Variants in MYRFL observed in about 807,000 individuals in gnomAD.
The protein encoded by MYRFL is myelin regulatory factor-like protein.
MYRFL carries 88 observed loss-of-function variants against 109.4 expected under a neutral mutation model. The ratio of observed to expected loss-of-function variants is 0.80; its 90% CI spans 0.68 to 0.96. The LOEUF (loss-of-function observed/expected upper bound fraction) is 0.96. MYRFL is among the 40% of genes least tolerant of loss of function. MYRFL has a pLI of 0.00. For synonymous variants in MYRFL, 324 were observed against 320.9 expected, an observed-to-expected ratio of 1.01 and a Z score of -0.10; for missense variants, 957 against 954.9, an observed-to-expected ratio of 1.00 and a Z score of -0.03.
chr12:69,954,525 C>T (rs762103716), intron 21 of MYRFL, among the ~76,000 whole-genome samples: 5 of 152,108 alleles, frequency 3.3e-5, no homozygotes, highest in Admixed American at 2.6e-4. Flanking sequence ...TATAATGTTT[C>T]GTTTTGTTGT....
chr12:69,923,527 CT>C (rs1223432750), intron 13 of MYRFL, among the ~76,000 whole-genome samples: 1 of 152,000 alleles, frequency 6.6e-6, no homozygotes, highest in African/African-American at 2.4e-5. Flanking sequence ...GTTTATATCT[CT>C]TTTCTTAAAT....
At chr12:69,943,630 C>T (rs1592884775) in intron 19 of MYRFL, among the ~76,000 whole-genome samples, 3 of 151,196 alleles carry the variant, frequency 2.0e-5, no homozygotes, top group African/African-American at 7.3e-5. Context: ...TGGGCAAGGA[C>T]TTCATGTCTA....
intron 2 of MYRFL, among the ~76,000 whole-genome samples, chr12:69,870,862 G>A (rs1020128040): frequency 1.3e-5 from 2 of 152,114 alleles, no homozygotes; most frequent in Non-Finnish European, 2.9e-5. Context: ...GGGACTTTTG[G>A]TTCTCGTTAA....
intron 1 of MYRFL, among the ~76,000 whole-genome samples, chr12:69,828,708 C>A (rs549926922): frequency 6.6e-6 from 1 of 152,066 alleles, no homozygotes; most frequent in African/African-American, 2.4e-5. Context: ...TTACAACAAC[C>A]TTCTGGATGA....
intron 6 of MYRFL, among the ~76,000 whole-genome samples, chr12:69,888,032 A>G (rs55948103): frequency 0.051 from 7,757 of 152,290 alleles, 285 homozygotes; most frequent in Non-Finnish European, 0.074. Context: ...CTTTAATTAA[A>G]ACTTAACTGC....
In MYRFL at chr12:69,950,718, G is replaced by C. The variant is rs892701669; in HGVS notation, c.2225-1395G>C. Among the ~76,000 whole-genome samples the C allele has an allele frequency of 2.0e-5, 3 of 152,320 alleles. No homozygotes were observed. In the East Asian group the frequency reaches 5.8e-4, roughly 29 times the overall value. On this transcript the variant is annotated intron_variant, in intron 19 of 24. Coordinates refer to ENST00000552032, the MANE Select transcript of MYRFL (RefSeq NM_182530.3). ...GCATTGCCCAGCAGAAGAATGGGCAGTGAGTCCCTTGTCACTGGAGGTGTT... is the reference window on the plus strand; with the variant it reads ...GCATTGCCCAGCAGAAGAATGGGCACTGAGTCCCTTGTCACTGGAGGTGTT...
chr12:69,833,846 T>TC (rs1238204059), intron 1 of MYRFL, among the ~76,000 whole-genome samples: 2 of 151,330 alleles, frequency 1.3e-5, no homozygotes, highest in African/African-American at 4.9e-5. Flanking sequence ...TTTTTTTTTT[T>TC]TCGGTACAAT....
At chr12:69,944,576 C>T (rs1955772829) in intron 19 of MYRFL, among the ~76,000 whole-genome samples, 1 of 150,522 alleles carries the variant, frequency 6.6e-6, no homozygotes, top group Non-Finnish European at 1.5e-5. Flanking sequence ...GGAGATATAC[C>T]TAAGGCTAGA....
rs1252129728 is a variant in MYRFL at position 69,891,152 on chromosome 12, G to C, written c.889G>C (p.Val297Leu). ...LKPIEMFYLK[V>L]FGTKVEATNQ... ...GCCAATAGAAATGTTTTACTTGAAA[G>C]TTTTTGGCACTAAGGTATGTCTTTT... The change falls in exon 7 of 25, where the codon GTT becomes CTT. Residue 297 changes from valine (V) to leucine (L), a missense_variant. Coordinates refer to ENST00000552032, the MANE Select transcript of MYRFL (RefSeq NM_182530.3). The C allele has an allele frequency of 1.3e-6, 2 of 1,516,166 alleles. No individual in the cohort carries two copies. The highest frequency in any genetic ancestry group is 2.5e-5 in the East Asian group (1 of 40,600). The allele number at this position is 1,516,166 out of a possible 1,614,324, so 93.9% of individuals were successfully genotyped here.
chr12:69,927,195 T>C (rs1955125314), intron 14 of MYRFL, among the ~76,000 whole-genome samples: 1 of 152,054 alleles, frequency 6.6e-6, no homozygotes. Context: ...TCCACCCACC[T>C]CGGCCTCCCA....
rs35862776 is a variant in MYRFL at position 69,949,653 on chromosome 12, ATT to A, written c.2225-2447_2225-2446del. ...AACATTATGAGATTTTTTTTTTGTA[ATT>A]TTTTTTTTTTTTAGCCCTTCAGCTA... On this transcript the variant is annotated intron_variant, in intron 19 of 24. Transcript: ENST00000552032. 4.1e-4 allele frequency among the ~76,000 whole-genome samples: 60 copies of A among 146,222 alleles called. 1 individual carries two copies. Among genetic ancestry groups the A allele is most frequent in the Admixed American group, 8.1e-4 (12 of 14,758 alleles).
In MYRFL at chr12:69,839,412, A is replaced by G. The variant is rs183295463; in HGVS notation, c.46+13849A>G. 3.5e-4 allele frequency among the ~76,000 whole-genome samples: 54 copies of G among 152,360 alleles called. No individual in the cohort carries two copies. In the East Asian group the frequency reaches 8.7e-3, roughly 24 times the overall value. On this transcript the variant is annotated intron_variant, in intron 1 of 24. Transcript: ENST00000552032. The stretch of plus-strand genomic sequence containing the variant: ...TTTGCTGAAGTACTTAGCAATATTA[A>G]TAATAATTTAACATGTCTTAAATTT...
chr12:69,855,980 G>T (rs1245895716), intron 2 of MYRFL, among the ~76,000 whole-genome samples: 3 of 151,642 alleles, frequency 2.0e-5, no homozygotes, highest in African/African-American at 7.3e-5. Context: ...TCAAATTTTT[G>T]TATAAATTTC....
rs916728998 is a variant in MYRFL, at chr12:69,959,004, T to C, written c.*473T>C. Reference sequence around the variant, plus strand: ...TGGTATCTGATACTGAGCTCACATTTAGGCAAATTGTCCTATGTGTGTGTG... The same window carrying C: ...TGGTATCTGATACTGAGCTCACATTCAGGCAAATTGTCCTATGTGTGTGTG... On this transcript the variant is annotated 3_prime_UTR_variant, in exon 25 of 25. Transcript: ENST00000552032. The C allele has an allele frequency of 6.2e-6, 1 of 160,480 alleles. No homozygotes were observed. Among genetic ancestry groups the C allele is most frequent in the African/African-American group, 2.4e-5 (1 of 41,452 alleles). The allele number at this position is 160,480 out of a possible 1,614,324, so 9.9% of individuals were successfully genotyped here.
At chr12:69,901,667 C>T (rs1361718585) in intron 10 of MYRFL, among the ~76,000 whole-genome samples, 1 of 152,010 alleles carries the variant, frequency 6.6e-6, no homozygotes, top group Non-Finnish European at 1.5e-5. Context: ...AATACATCAC[C>T]ATCTTATATG....
In MYRFL at chr12:69,825,268, T is replaced by C. The variant is rs990353611; in HGVS notation, c.-250T>C. On this transcript the variant is annotated 5_prime_UTR_variant, in exon 1 of 25. Transcript: ENST00000552032. ...CTTATATTAAGACAGATGAATTTGCTACCTCTTCCCTCTTCATGAATTTTT... is the reference window on the plus strand; with the variant it reads ...CTTATATTAAGACAGATGAATTTGCCACCTCTTCCCTCTTCATGAATTTTT... 9.1e-6 allele frequency: 6 copies of C among 657,918 alleles called. No individual in the cohort carries two copies. The highest frequency in any genetic ancestry group is 4.6e-5 in the Admixed American group (2 of 43,542). 40.8% of individuals were successfully genotyped at this position (657,918 alleles called of 1,614,324 possible).
chr12:69,866,677 TAA>T (rs1208908853), intron 2 of MYRFL, among the ~76,000 whole-genome samples: 1 of 152,166 alleles, frequency 6.6e-6, no homozygotes, highest in Non-Finnish European at 1.5e-5. Context: ...CTCAAAAACC[TAA>T]GAGACCACTG....
Position 69,927,757 on chromosome 12 carries a change from A to G in MYRFL, c.1830+9A>G. On this transcript the variant is annotated intron_variant, in intron 15 of 24. Transcript: ENST00000552032. Reference sequence around the variant, plus strand: ...ATAAAAAAAACAACAAGGTAAATAGACACATTTACAATGAAAGGAAATGAT... The same window carrying G: ...ATAAAAAAAACAACAAGGTAAATAGGCACATTTACAATGAAAGGAAATGAT... 1 of 1,524,268 alleles carries G rather than the reference A, an allele frequency of 6.6e-7. No individual in the cohort carries two copies. The highest frequency in any genetic ancestry group is 8.8e-7 in the Non-Finnish European group (1 of 1,140,484). The allele number at this position is 1,524,268 out of a possible 1,614,324, so 94.4% of individuals were successfully genotyped here.
intron 21 of MYRFL, 89 bp from the exon 22 acceptor site, chr12:69,955,274 T>C: frequency 2.1e-6 from 1 of 471,272 alleles, no homozygotes; most frequent in South Asian, 4.3e-5. Flanking sequence ...TATTTCACAG[T>C]TTTTATGGTA....
Sources: gnomAD v4.1 joint callset for allele counts (sites outside exome capture counted in the v4.1 genomes callset) on GRCh38, gnomAD v4.1.1 for gene constraint, MANE v1.5 for transcripts, NCBI Gene and HGNC (gene_info 2026-07-23, HGNC 2026-07-21) for gene names.